The following DOCK3 variants were observed in gnomAD, a reference collection of about 807,000 sequenced individuals.
DOCK3 encodes dedicator of cytokinesis 3, also known as dedicator of cytokinesis protein 3.
In DOCK3, 60 loss-of-function variants were observed where a neutral mutation model predicts 265.6. The observed-to-expected ratio is 0.23, with a 90% CI of 0.18 to 0.28. The LOEUF is 0.28. Ranked by LOEUF, DOCK3 falls within the 10% of genes least tolerant of loss-of-function variation. The probability of loss-of-function intolerance (pLI) is 1.00; values close to 1 mark genes in which losing one functional copy is unlikely to be tolerated. For synonymous variants in DOCK3, 881 were observed against 938.0 expected, an observed-to-expected ratio of 0.94 and a Z score of 1.11; for missense variants, 1,981 against 2,594.3, an observed-to-expected ratio of 0.76 and a Z score of 5.14.
At chr3:50,775,466 TTTC>T (rs1483690574) in intron 1 of DOCK3, among the ~76,000 whole-genome samples, 1 of 104,660 alleles carries the variant, frequency 9.6e-6, no homozygotes, top group Non-Finnish European at 2.5e-5. Flanking sequence ...TGATAATTTG[TTTC>T]TTTTCTTTTT....
At chr3:51,264,618 G>A (rs887388826) in intron 23 of DOCK3, among the ~76,000 whole-genome samples, 2 of 151,984 alleles carry the variant, frequency 1.3e-5, no homozygotes, top group African/African-American at 4.8e-5. Flanking sequence ...ATGAGGTCAG[G>A]AGATCAAGAC....
At chr3:51,144,249 G>C (rs2085194894) in intron 9 of DOCK3, among the ~76,000 whole-genome samples, 1 of 152,166 alleles carries the variant, frequency 6.6e-6, no homozygotes, top group African/African-American at 2.4e-5. Context: ...ATTCTTTAAA[G>C]TGTGGTCTAG....
chr3:50,885,474 A>G (rs2048279788), intron 3 of DOCK3, among the ~76,000 whole-genome samples: 1 of 151,624 alleles, frequency 6.6e-6, no homozygotes, highest in African/African-American at 2.4e-5. Context: ...TTTGTATGAA[A>G]CTGCCAGTGT....
chr3:50,900,295 G>A (rs1406747094), intron 4 of DOCK3, among the ~76,000 whole-genome samples: 1 of 151,998 alleles, frequency 6.6e-6, no homozygotes, highest in Non-Finnish European at 1.5e-5. Flanking sequence ...TATGCTTCAC[G>A]AAGTTCTTGT....
At chr3:50,785,879 A>AT (rs1178788871) in intron 2 of DOCK3, among the ~76,000 whole-genome samples, 2 of 151,082 alleles carry the variant, frequency 1.3e-5, no homozygotes, top group East Asian at 3.9e-4. Flanking sequence ...TTTCAATAGG[A>AT]TTTTTACCAG....
intron 10 of DOCK3, among the ~76,000 whole-genome samples, chr3:51,155,528 A>G (rs1400044705): frequency 6.6e-6 from 1 of 152,190 alleles, no homozygotes; most frequent in Admixed American, 6.5e-5. Flanking sequence ...AGCCACAACT[A>G]TGGTTGATGC....
chr3:51,006,457 G>C (rs1043778014), intron 5 of DOCK3, among the ~76,000 whole-genome samples: 6 of 151,996 alleles, frequency 3.9e-5, no homozygotes, highest in Non-Finnish European at 7.4e-5. Flanking sequence ...CTTTAAAATG[G>C]TTCTCCTGTA....
At chr3:50,933,851 A>C in intron 4 of DOCK3, 130 bp from the exon 5 acceptor site, 1 of 558,458 alleles carries the variant, frequency 1.8e-6, no homozygotes, top group Admixed American at 3.4e-5. Flanking sequence ...GTCTTTGATC[A>C]ATTAGATATA....
chr3:51,199,899 C>T (rs2088601949), intron 12 of DOCK3, among the ~76,000 whole-genome samples: 1 of 152,176 alleles, frequency 6.6e-6, no homozygotes, highest in Non-Finnish European at 1.5e-5. Flanking sequence ...TCTGCAGACA[C>T]CGCTGCTGAT....
intron 4 of DOCK3, among the ~76,000 whole-genome samples, chr3:50,922,561 A>T (rs1032433929): frequency 7.2e-5 from 11 of 152,162 alleles, no homozygotes; most frequent in African/African-American, 2.7e-4. Context: ...GACAAGCCCC[A>T]GTGAGATGAA....
chr3:50,701,011 G>A (rs1159006755), intron 1 of DOCK3, among the ~76,000 whole-genome samples: 1 of 152,040 alleles, frequency 6.6e-6, no homozygotes, highest in Non-Finnish European at 1.5e-5. Context: ...ATAATAGCTA[G>A]TGGTTTTGAT....
chr3:51,301,754 C>T (rs1050975497), intron 27 of DOCK3, among the ~76,000 whole-genome samples: 1 of 152,148 alleles, frequency 6.6e-6, no homozygotes, highest in Admixed American at 6.6e-5. Flanking sequence ...TAGTGAGTTT[C>T]TTAATCTTGA....
chr3:51,108,118 A>T (rs1401043065), intron 9 of DOCK3, among the ~76,000 whole-genome samples: 1 of 151,508 alleles, frequency 6.6e-6, no homozygotes, highest in African/African-American at 2.4e-5. Context: ...GGCTCACTGC[A>T]ACCTCCACCT....
chr3:51,170,836 G>A (rs1229219278), intron 12 of DOCK3, among the ~76,000 whole-genome samples: 7 of 151,724 alleles, frequency 4.6e-5, no homozygotes, highest in East Asian at 1.9e-4. Context: ...CCAGCTACTC[G>A]GGAGGCTGAG....
At chr3:51,059,868 T>A (rs1385418373) in intron 5 of DOCK3, among the ~76,000 whole-genome samples, 2 of 152,148 alleles carry the variant, frequency 1.3e-5, no homozygotes, top group Admixed American at 6.6e-5. Context: ...TCTGTTCATG[T>A]CTACTCAAGG....
intron 1 of DOCK3, among the ~76,000 whole-genome samples, chr3:50,772,943 A>T (rs914843312): frequency 2.0e-5 from 3 of 152,162 alleles, no homozygotes; most frequent in Admixed American, 2.0e-4. Context: ...AAAAATCCTA[A>T]AATTAGTATG....
rs931986295 is a variant in DOCK3, at chr3:50,887,072, G to A, written c.163-2954G>A. 1.4e-4 allele frequency among the ~76,000 whole-genome samples: 22 copies of A among 151,984 alleles called. 1 individual carries two copies. Among genetic ancestry groups the A allele is most frequent in the African/African-American group, 5.1e-4 (21 of 41,356 alleles). ...CCCTTCAAAAAATTAATGAATCCAG[G>A]AGCTGGTTTTTTGAAAAGATCAACA... On this transcript the variant is annotated intron_variant, in intron 3 of 52. Coordinates refer to ENST00000266037, the MANE Select transcript of DOCK3 (RefSeq NM_004947.5).
chr3:51,309,043 G>A (rs1253512061), intron 27 of DOCK3, among the ~76,000 whole-genome samples: 6 of 151,810 alleles, frequency 4.0e-5, no homozygotes, highest in South Asian at 2.1e-4. Flanking sequence ...GGGCAGAGAC[G>A]CTTCTCACTT....
At chr3:50,743,486 A>G (rs935975642) in intron 1 of DOCK3, among the ~76,000 whole-genome samples, 1 of 148,644 alleles carries the variant, frequency 6.7e-6, no homozygotes, top group African/African-American at 2.5e-5. Flanking sequence ...TCAAAATAAA[A>G]GGATGGAGGA....
Sources: allele counts gnomAD v4.1 joint callset (sites outside exome capture counted in the v4.1 genomes callset), GRCh38; gene constraint gnomAD v4.1.1; transcripts MANE v1.5; gene names NCBI Gene and HGNC (gene_info 2026-07-23, HGNC 2026-07-21).